Variants in SLC9A7 observed in about 807,000 individuals in gnomAD.
SLC9A7 encodes the protein sodium/hydrogen exchanger 7.
Under a neutral mutation model 52.6 loss-of-function variants are expected in SLC9A7, and 19 were observed. The ratio of observed to expected loss-of-function variants is 0.36; its 90% CI spans 0.25 to 0.53. SLC9A7 has a LOEUF of 0.53. Ranked by LOEUF, SLC9A7 falls within the 20% of genes least tolerant of loss-of-function variation. The pLI is 0.91. For synonymous variants in SLC9A7, 226 were observed against 252.1 expected, an observed-to-expected ratio of 0.90 and a Z score of 0.98; for missense variants, 455 against 597.9, an observed-to-expected ratio of 0.76 and a Z score of 2.49.
Position 46,653,667 on chromosome X carries a change from C to T in SLC9A7, c.1089G>A (p.Ala363=), listed in dbSNP as rs143553005. Residue 363 remains alanine, a synonymous_variant, in exon 8 of 17, where the codon GCG becomes GCA. Transcript: ENST00000616978. ...KLHCFPLLET[A]LFFLMSWSTF... is the part of the protein sequence containing the mutation. Reference sequence around the variant, plus strand: ...TGCTCCAGGACATGAGGAAGAACAGCGCCGTCTCCAGCAGGGGGAAGCAGT... The same window carrying T: ...TGCTCCAGGACATGAGGAAGAACAGTGCCGTCTCCAGCAGGGGGAAGCAGT... 2.7e-4 allele frequency: 325 copies of T among 1,208,740 alleles called. No homozygotes were observed. The highest frequency in any genetic ancestry group is 3.4e-4 in the Non-Finnish European group (306 of 894,650).
chrX:46,639,751 A>T (rs1943376150), intron 12 of SLC9A7, among the ~76,000 whole-genome samples: 1 of 107,234 alleles, frequency 9.3e-6, no homozygotes, highest in African/African-American at 3.4e-5. Context: ...TACAAATACC[A>T]TGATGGTCTA....
chrX:46,655,514 G>A (rs1230800000), intron 7 of SLC9A7, among the ~76,000 whole-genome samples: 4 of 111,467 alleles, frequency 3.6e-5, no homozygotes, highest in African/African-American at 6.5e-5. Context: ...GTGGGTGCGC[G>A]CACCATGTGC....
At chrX:46,655,661 G>A (rs775607564) in intron 7 of SLC9A7, among the ~76,000 whole-genome samples, 8 of 112,568 alleles carry the variant, frequency 7.1e-5, no homozygotes, top group African/African-American at 1.9e-4. Context: ...GCGCTTTTCC[G>A]ATGGGCTTAA....
Position 46,604,015 on chromosome X carries a change from C to T in SLC9A7, c.*2937G>A, listed in dbSNP as rs1272692895. Reference sequence around the variant, plus strand: ...CCAACCAAAGACCCAAGCAGCCTATCTCTCCATCTCTGCAAAACAAAAACA... The same window carrying T: ...CCAACCAAAGACCCAAGCAGCCTATTTCTCCATCTCTGCAAAACAAAAACA... On this transcript the variant is annotated 3_prime_UTR_variant, in exon 17 of 17. Transcript: ENST00000616978. 8.9e-6 allele frequency: 1 copy of T among 112,483 alleles called. No individual in the cohort carries two copies. Among genetic ancestry groups the T allele is most frequent in the East Asian group, 2.8e-4 (1 of 3,603 alleles). 9.3% of individuals were successfully genotyped at this position (112,483 alleles called of 1,213,427 possible).
rs1412902054 is a variant in SLC9A7, at chrX:46,607,163, A to C, written c.1970T>G (p.Leu657Arg). 8.3e-7 allele frequency: 1 copy of C among 1,211,342 alleles called. No individual in the cohort carries two copies. Among genetic ancestry groups the C allele is most frequent in the Admixed American group, 2.2e-5 (1 of 45,989 alleles). Residue 657 changes from leucine to arginine, a missense_variant, in exon 17 of 17, where the codon CTG becomes CGG. Transcript: ENST00000616978. The part of the protein sequence containing the change: ...PLREEDSDFI[L>R]TEGDLTLTYG... ...GGTCAATGTCAGGTCGCCTTCGGTC[A>C]GGATGAAATCAGAGTCTTCCTCTCT...
intron 1 of SLC9A7, among the ~76,000 whole-genome samples, chrX:46,747,497 A>T (rs1445468228): frequency 9.0e-6 from 1 of 111,707 alleles, no homozygotes; most frequent in Admixed American, 9.5e-5. Context: ...TATTGTTTTT[A>T]AAAAAACAGG....
intron 1 of SLC9A7, among the ~76,000 whole-genome samples, chrX:46,751,816 A>T (rs1234934742): frequency 9.0e-6 from 1 of 111,314 alleles, no homozygotes; most frequent in Non-Finnish European, 1.9e-5. Flanking sequence ...TCTCAAAAAA[A>T]AAGAAGAAAG....
chrX:46,751,286 A>G (rs1354156395), intron 1 of SLC9A7, among the ~76,000 whole-genome samples: 2 of 110,868 alleles, frequency 1.8e-5, no homozygotes, highest in Non-Finnish European at 3.8e-5. Context: ...GCACTGGTCC[A>G]TTACATGCGT....
intron 15 of SLC9A7, among the ~76,000 whole-genome samples, chrX:46,614,598 C>T (rs904134256): frequency 3.6e-5 from 4 of 111,884 alleles, no homozygotes; most frequent in Non-Finnish European, 7.5e-5. Flanking sequence ...CCCTGGGAAG[C>T]AAACTTGTCC....
At chrX:46,669,025 A>G (rs995588295) in intron 5 of SLC9A7, among the ~76,000 whole-genome samples, 71 of 109,247 alleles carry the variant, frequency 6.5e-4, no homozygotes, top group South Asian at 4.0e-4. Flanking sequence ...AAAATTAGCC[A>G]GGCGTGGTGG....
intron 15 of SLC9A7, among the ~76,000 whole-genome samples, chrX:46,616,509 T>C (rs1942956844): frequency 8.9e-6 from 1 of 111,798 alleles, no homozygotes; most frequent in Non-Finnish European, 1.9e-5. Context: ...AGAGAACCCT[T>C]GAGTATCTTG....
chrX:46,695,378 G>A (rs1288036130), intron 1 of SLC9A7, among the ~76,000 whole-genome samples: 1 of 112,369 alleles, frequency 8.9e-6, no homozygotes, highest in African/African-American at 3.2e-5. Flanking sequence ...AGGGCTACAC[G>A]CATGAATACC....
intron 15 of SLC9A7, among the ~76,000 whole-genome samples, chrX:46,620,376 G>A (rs1027342439): frequency 1.3e-4 from 15 of 111,402 alleles, no homozygotes; most frequent in African/African-American, 4.3e-4. Flanking sequence ...AGCTGAGTGC[G>A]CCACCACACT....
chrX:46,628,185 T>C (rs1217950649), intron 14 of SLC9A7, among the ~76,000 whole-genome samples: 1 of 112,174 alleles, frequency 8.9e-6, no homozygotes, highest in Non-Finnish European at 1.9e-5. Context: ...AGTGCTCTTC[T>C]GTAAACTCAG....
intron 1 of SLC9A7, among the ~76,000 whole-genome samples, chrX:46,695,202 T>A (rs1388262225): frequency 8.9e-6 from 1 of 112,733 alleles, no homozygotes; most frequent in Non-Finnish European, 1.9e-5. Context: ...GTAAATTATA[T>A]GTCAATAAAG....
intron 7 of SLC9A7, among the ~76,000 whole-genome samples, chrX:46,660,921 C>T (rs1445909952): frequency 1.9e-5 from 2 of 107,772 alleles, no homozygotes; most frequent in African/African-American, 3.4e-5. Context: ...CACATGCACA[C>T]GTATGTTTAT....
At chrX:46,661,367 TATA>T (rs911554478) in intron 7 of SLC9A7, among the ~76,000 whole-genome samples, 2 of 109,669 alleles carry the variant, frequency 1.8e-5, no homozygotes, top group African/African-American at 6.7e-5. Context: ...AAACTTAAAG[TATA>T]ATAATAATAA....
intron 1 of SLC9A7, among the ~76,000 whole-genome samples, chrX:46,694,007 C>T (rs777104816): frequency 1.9e-4 from 21 of 110,639 alleles, no homozygotes; most frequent in African/African-American, 5.6e-4. Context: ...TGAACACATA[C>T]AGACATAAAC....
intron 10 of SLC9A7, among the ~76,000 whole-genome samples, chrX:46,650,128 T>C (rs1035367047): frequency 8.9e-6 from 1 of 111,973 alleles, no homozygotes; most frequent in African/African-American, 3.3e-5. Context: ...TTGGTGAGTG[T>C]CAGTCATTCC....
Sources: allele counts gnomAD v4.1 joint callset (sites outside exome capture counted in the v4.1 genomes callset), GRCh38; gene constraint gnomAD v4.1.1; transcripts MANE v1.5; gene names NCBI Gene and HGNC (gene_info 2026-07-23, HGNC 2026-07-21).